EPHA3: variants seen among roughly 807,000 people sequenced by gnomAD.
The protein encoded by EPHA3 is EPH receptor A3.
EPHA3 carries 42 observed loss-of-function variants against 107.1 expected under a neutral mutation model. The observed-to-expected ratio is 0.39, with a 90% CI of 0.31 to 0.51. EPHA3 has a LOEUF of 0.51. EPHA3 is among the 20% of genes least tolerant of loss of function. The probability of loss-of-function intolerance (pLI) is 0.78; values close to 1 mark genes in which losing one functional copy is unlikely to be tolerated. For missense variants in EPHA3, 1,183 were observed against 1,211.2 expected (o/e 0.98, Z 0.35); for synonymous variants, 461 against 424.8 (o/e 1.09, Z -1.05).
chr3:89,206,551 C>T lies in EPHA3; in HGVS notation c.154-3309C>T, dbSNP rs573394183. Among the ~76,000 whole-genome samples the T allele has an allele frequency of 4.6e-5, 7 of 152,242 alleles. No individual in the cohort carries two copies. The South Asian group carries it at 1.2e-3, about 27-fold the overall frequency. On this transcript the variant is annotated intron_variant, in intron 2 of 16. Coordinates refer to ENST00000336596, the MANE Select transcript of EPHA3 (RefSeq NM_005233.6). ...CTCTAGAGTTTTTGCTACATCTGTA[C>T]TTTAAAATGCCATTGTAGAACCAAG...
chr3:89,432,017 T>A (rs1709578218), intron 13 of EPHA3, among the ~76,000 whole-genome samples: 1 of 152,162 alleles, frequency 6.6e-6, no homozygotes, highest in South Asian at 2.1e-4. Context: ...AATTTTTACA[T>A]GTAGTAGGTT....
intron 1 of EPHA3, among the ~76,000 whole-genome samples, chr3:89,112,266 T>A (rs557154103): frequency 1.2e-4 from 18 of 152,180 alleles, no homozygotes; most frequent in Admixed American, 3.3e-4. Flanking sequence ...CATTTTTTAG[T>A]AGGTTTAGGA....
intron 5 of EPHA3, among the ~76,000 whole-genome samples, chr3:89,343,362 T>A (rs1027756857): frequency 2.6e-5 from 4 of 152,226 alleles, no homozygotes; most frequent in African/African-American, 9.6e-5. Flanking sequence ...TTAAATGTAG[T>A]TCTAGCTGTT....
At chr3:89,149,955 G>A (rs1171586606) in intron 2 of EPHA3, among the ~76,000 whole-genome samples, 1 of 151,814 alleles carries the variant, frequency 6.6e-6, no homozygotes, top group Non-Finnish European at 1.5e-5. Context: ...GCAAGTAAAA[G>A]CACCGAAATA....
Position 89,479,695 on chromosome 3 carries a change from G to A in EPHA3, c.*193G>A. 4 of 497,736 alleles carry A rather than the reference G, an allele frequency of 8.0e-6. No individual in the cohort carries two copies. The highest frequency in any genetic ancestry group is 3.6e-6 in the Non-Finnish European group (1 of 279,570). 30.8% of individuals were successfully genotyped at this position (497,736 alleles called of 1,614,324 possible). On this transcript the variant is annotated 3_prime_UTR_variant, in exon 17 of 17. Coordinates refer to ENST00000336596, the MANE Select transcript of EPHA3 (RefSeq NM_005233.6). ...TCCCCTATCATTTATTGGATGGGTG[G>A]GTGGGGTATTTTTTTGTAATTGCTT...
chr3:89,243,705 T>C (rs1374476274), intron 3 of EPHA3, among the ~76,000 whole-genome samples: 1 of 152,174 alleles, frequency 6.6e-6, no homozygotes, highest in Non-Finnish European at 1.5e-5. Context: ...TCCCATTCTG[T>C]AGGTTGCGTG....
At chr3:89,340,601 T>C (rs1489842490) in intron 3 of EPHA3, among the ~76,000 whole-genome samples, 1 of 152,178 alleles carries the variant, frequency 6.6e-6, no homozygotes, top group Non-Finnish European at 1.5e-5. Flanking sequence ...GGTGACATGG[T>C]TTTGCTTTAT....
chr3:89,422,315 C>A (rs1340079875), intron 11 of EPHA3, among the ~76,000 whole-genome samples: 1 of 149,904 alleles, frequency 6.7e-6, no homozygotes, highest in African/African-American at 2.4e-5. Flanking sequence ...AACAATCCAC[C>A]TGCAGAGATC....
chr3:89,297,925 C>T (rs1390674123), intron 3 of EPHA3, among the ~76,000 whole-genome samples: 2 of 152,094 alleles, frequency 1.3e-5, no homozygotes, highest in Non-Finnish European at 2.9e-5. Flanking sequence ...ATCCCGGCTA[C>T]TCAGGAGGTT....
intron 9 of EPHA3, among the ~76,000 whole-genome samples, chr3:89,412,731 T>G (rs1709178449): frequency 6.6e-6 from 1 of 151,800 alleles, no homozygotes; most frequent in Non-Finnish European, 1.5e-5. Flanking sequence ...CAATCTTGCA[T>G]TGTAATACAT....
intron 3 of EPHA3, among the ~76,000 whole-genome samples, chr3:89,262,688 C>T (rs1209378168): frequency 2.0e-5 from 3 of 152,220 alleles, no homozygotes; most frequent in Non-Finnish European, 4.4e-5. Flanking sequence ...TCTCTCAACT[C>T]CTAACAGGAG....
At chr3:89,460,977 T>G (rs1576391410) in intron 15 of EPHA3, among the ~76,000 whole-genome samples, 2 of 108,280 alleles carry the variant, frequency 1.8e-5, no homozygotes. Context: ...CCCTCCCCCC[T>G]CCCCCGACCC....
intron 3 of EPHA3, among the ~76,000 whole-genome samples, chr3:89,228,128 C>T (rs1704540973): frequency 6.6e-6 from 1 of 151,930 alleles, no homozygotes; most frequent in South Asian, 2.1e-4. Context: ...CTGGTAGACA[C>T]ATGCTCCCCA....
intron 2 of EPHA3, among the ~76,000 whole-genome samples, chr3:89,166,933 A>T (rs998437145): frequency 7.2e-5 from 11 of 152,184 alleles, no homozygotes; most frequent in African/African-American, 2.7e-4. Flanking sequence ...TGGGGTCTTT[A>T]TCTGACAAGT....
At chr3:89,384,350 A>G (rs1025364891) in intron 5 of EPHA3, among the ~76,000 whole-genome samples, 1 of 152,186 alleles carries the variant, frequency 6.6e-6, no homozygotes, top group African/African-American at 2.4e-5. Context: ...CAAAGCCAGT[A>G]GATAGACATA....
chr3:89,165,213 C>T (rs1451494222), intron 2 of EPHA3, among the ~76,000 whole-genome samples: 6 of 152,126 alleles, frequency 3.9e-5, no homozygotes, highest in Admixed American at 1.3e-4. Context: ...AATTGAAACT[C>T]TGGGAAAGCT....
chr3:89,419,195 T>C lies in EPHA3; in HGVS notation c.1889-10T>C. 1 of 1,588,358 alleles carries C rather than the reference T, an allele frequency of 6.3e-7. No homozygotes were observed. The highest frequency in any genetic ancestry group is 8.5e-7 in the Non-Finnish European group (1 of 1,169,722). ...TCCTTACATTTTGTTGCTGTTCTGC[T>C]TTATAACAGGTGAATTTGGAGAGGT... On this transcript the variant is annotated splice_polypyrimidine_tract_variant and intron_variant, in intron 10 of 16. Coordinates refer to ENST00000336596, the MANE Select transcript of EPHA3 (RefSeq NM_005233.6).
intron 13 of EPHA3, among the ~76,000 whole-genome samples, chr3:89,435,295 T>G (rs1709645131): frequency 1.3e-5 from 2 of 151,566 alleles, no homozygotes; most frequent in African/African-American, 4.8e-5. Context: ...TAGGCTTGAC[T>G]AAGATAAAAT....
intron 1 of EPHA3, among the ~76,000 whole-genome samples, chr3:89,121,574 T>C (rs1313767760): frequency 3.9e-5 from 6 of 151,916 alleles, no homozygotes; most frequent in Non-Finnish European, 7.4e-5. Flanking sequence ...CTGGCCAACA[T>C]AGTGAAACCC....
Sources: allele counts gnomAD v4.1 joint callset (sites outside exome capture counted in the v4.1 genomes callset), GRCh38; gene constraint gnomAD v4.1.1; transcripts MANE v1.5; gene names NCBI Gene and HGNC (gene_info 2026-07-23, HGNC 2026-07-21).